PCSK2: variants seen among roughly 807,000 people sequenced by gnomAD.
PCSK2 encodes the protein proprotein convertase subtilisin/kexin type 2.
A neutral mutation model predicts 69.7 loss-of-function variants in PCSK2; 14 were observed. The ratio of observed to expected loss-of-function variants is 0.20; its 90% CI spans 0.13 to 0.31. The LOEUF is 0.31. PCSK2 is among the 10% of genes least tolerant of loss of function. PCSK2 has a pLI of 1.00. For synonymous variants in PCSK2, 307 were observed against 320.7 expected (o/e 0.96, Z 0.46); for missense variants, 544 against 842.5 (o/e 0.65, Z 4.39).
intron 5 of PCSK2, among the ~76,000 whole-genome samples, chr20:17,379,286 C>T (rs2031021574): frequency 6.6e-6 from 1 of 152,238 alleles, no homozygotes; most frequent in African/African-American, 2.4e-5. Flanking sequence ...CAACAGAGCC[C>T]AAGTGGGTGT....
intron 2 of PCSK2, among the ~76,000 whole-genome samples, chr20:17,331,214 G>A (rs919828593): frequency 2.6e-5 from 4 of 152,216 alleles, no homozygotes; most frequent in Non-Finnish European, 5.9e-5. Context: ...CTTGTGGGCT[G>A]TGCTGATCAC....
chr20:17,358,955 G>A (rs1220918950), intron 3 of PCSK2, among the ~76,000 whole-genome samples: 1 of 152,222 alleles, frequency 6.6e-6, no homozygotes, highest in African/African-American at 2.4e-5. Context: ...GGGCTTAACT[G>A]ATGCAGGCCT....
intron 2 of PCSK2, among the ~76,000 whole-genome samples, chr20:17,344,227 C>T (rs1990585945): frequency 6.6e-6 from 1 of 152,214 alleles, no homozygotes; most frequent in African/African-American, 2.4e-5. Context: ...CCTTTATTCC[C>T]TGTTGGTGTT....
intron 5 of PCSK2, among the ~76,000 whole-genome samples, chr20:17,380,893 T>C (rs950224754): frequency 3.9e-5 from 6 of 152,188 alleles, no homozygotes; most frequent in Non-Finnish European, 7.3e-5. Flanking sequence ...TTATTCTAAG[T>C]TTTCTTTCCA....
At chr20:17,258,343 C>A (rs999305089) in intron 1 of PCSK2, among the ~76,000 whole-genome samples, 3 of 152,178 alleles carry the variant, frequency 2.0e-5, no homozygotes, top group Non-Finnish European at 4.4e-5. Flanking sequence ...TGTCAATTTC[C>A]TGTGTTCTGA....
intron 8 of PCSK2, among the ~76,000 whole-genome samples, chr20:17,449,522 G>GTATA (rs1454257085): frequency 5.5e-5 from 4 of 72,280 alleles, no homozygotes; most frequent in Non-Finnish European, 1.1e-4. Context: ...ATATATGTAT[G>GTATA]TATGTATATA....
At chr20:17,476,071 T>C (rs1350713231) in intron 11 of PCSK2, among the ~76,000 whole-genome samples, 1 of 152,226 alleles carries the variant, frequency 6.6e-6, no homozygotes, top group East Asian at 1.9e-4. Flanking sequence ...CTAGAAACCC[T>C]GTGATAGAAT....
chr20:17,228,081 C>T (rs1241516568), intron 1 of PCSK2: 2 of 152,328 alleles, frequency 1.3e-5, no homozygotes, highest in African/African-American at 2.4e-5. Context: ...TGCGCCCTCA[C>T]CCCCGCCCAC....
At chr20:17,391,244 GAC>G (rs1315252600) in intron 5 of PCSK2, among the ~76,000 whole-genome samples, 1 of 152,124 alleles carries the variant, frequency 6.6e-6, no homozygotes, top group East Asian at 1.9e-4. Flanking sequence ...TGATCTCAAA[GAC>G]AGGAAAAATA....
intron 2 of PCSK2, among the ~76,000 whole-genome samples, chr20:17,287,165 A>C (rs1988540378): frequency 6.6e-6 from 1 of 152,140 alleles, no homozygotes; most frequent in South Asian, 2.1e-4. Flanking sequence ...AAAAAAAAAA[A>C]ATACCTTCAC....
At chr20:17,409,409 G>C (rs2031823417) in intron 6 of PCSK2, 70 bp downstream of exon 6, 3 of 1,036,594 alleles carry the variant, frequency 2.9e-6, no homozygotes, top group Non-Finnish European at 3.0e-6. Context: ...TTTTGTTTCA[G>C]GCTTGACTAC....
chr20:17,473,731 G>A (rs927714241), intron 11 of PCSK2, among the ~76,000 whole-genome samples: 25 of 152,152 alleles, frequency 1.6e-4, no homozygotes, highest in African/African-American at 5.6e-4. Flanking sequence ...ATGCCACGAT[G>A]CCAGCCAAAA....
chr20:17,439,025 C>T lies in PCSK2; in HGVS notation c.885+2142C>T, dbSNP rs936472704. Among the ~76,000 whole-genome samples the T allele has an allele frequency of 3.9e-5, 6 of 152,244 alleles. No individual in the cohort carries two copies. The South Asian group carries it at 6.2e-4, about 16-fold the overall frequency. On this transcript the variant is annotated intron_variant, in intron 8 of 11. Coordinates refer to ENST00000262545, the MANE Select transcript of PCSK2 (RefSeq NM_002594.5). ...GCTTCTAGGGAACACCTCCCACAAA[C>T]ACTGCCTCAAAATTTACCCCATTAG...
At chr20:17,348,090 A>AGAATGAAT (rs1555790048) in intron 2 of PCSK2, among the ~76,000 whole-genome samples, 3 of 142,702 alleles carry the variant, frequency 2.1e-5, no homozygotes, top group Non-Finnish European at 3.1e-5. Flanking sequence ...AAAGAAAGAA[A>AGAATGAAT]GAAAGAAAGA....
chr20:17,396,891 C>T (rs1309673155), intron 5 of PCSK2, among the ~76,000 whole-genome samples: 1 of 152,146 alleles, frequency 6.6e-6, no homozygotes, highest in Admixed American at 6.5e-5. Flanking sequence ...CAGTGAAGGC[C>T]TCTAGGAAAT....
chr20:17,347,872 AAAAGAAAGAAAGAAAG>A (rs201865268), intron 2 of PCSK2, among the ~76,000 whole-genome samples: 8,571 of 88,642 alleles, frequency 0.097, 887 homozygotes, highest in Non-Finnish European at 0.12. Flanking sequence ...GGAGAGAGAA[AAAAGAAAGAAAGAAAG>A]AAAGAAAGAA....
At chr20:17,468,827 G>A (rs891714953) in intron 11 of PCSK2, among the ~76,000 whole-genome samples, 1 of 127,860 alleles carries the variant, frequency 7.8e-6, no homozygotes, top group Non-Finnish European at 1.9e-5. Flanking sequence ...CCTCCCAAGG[G>A]CCAGCATCCT....
Position 17,416,027 on chromosome 20 carries a change from A to T in PCSK2, c.620+6688A>T, listed in dbSNP as rs182443411. 1.1e-3 allele frequency among the ~76,000 whole-genome samples: 161 copies of T among 152,366 alleles called. 1 individual carries two copies. Among genetic ancestry groups the T allele is most frequent in the Admixed American group, 0.01 (154 of 15,308 alleles). ...TATACCTTATACAAAAATTAATTCA[A>T]GATGGATTAAAGACTTAAATGTTAG... On this transcript the variant is annotated intron_variant, in intron 6 of 11. Transcript: ENST00000262545.
chr20:17,400,876 T>C (rs1361480329), intron 5 of PCSK2, among the ~76,000 whole-genome samples: 2 of 152,214 alleles, frequency 1.3e-5, no homozygotes, highest in African/African-American at 4.8e-5. Context: ...TTTTGCATCA[T>C]ATGGGTGCAC....
Sources: allele counts gnomAD v4.1 joint callset (sites outside exome capture counted in the v4.1 genomes callset), GRCh38; gene constraint gnomAD v4.1.1; transcripts MANE v1.5; gene names NCBI Gene and HGNC (gene_info 2026-07-23, HGNC 2026-07-21).